The following DPYD variants were observed in gnomAD, a reference collection of about 807,000 sequenced individuals.
The protein encoded by DPYD is dihydropyrimidine dehydrogenase [NADP(+)].
DPYD carries 109 observed loss-of-function variants against 116.2 expected under a neutral mutation model. That is an observed-to-expected ratio of 0.94 (90% CI 0.80 to 1.10). The LOEUF is 1.10. Ranked by LOEUF, DPYD falls within the 50% of genes least tolerant of loss-of-function variation. The pLI is 0.00. For synonymous variants in DPYD, 440 were observed against 432.0 expected (o/e 1.02, Z -0.23); for missense variants, 1,302 against 1,254.5 (o/e 1.04, Z -0.57).
intron 13 of DPYD, among the ~76,000 whole-genome samples, chr1:97,496,593 AC>A: frequency 6.6e-6 from 1 of 151,980 alleles, no homozygotes; most frequent in South Asian, 2.1e-4. Context: ...ACCCATTTTT[AC>A]GGGGCTTTCT....
At chr1:97,127,711 C>A (rs900547406) in intron 20 of DPYD, among the ~76,000 whole-genome samples, 2 of 152,198 alleles carry the variant, frequency 1.3e-5, no homozygotes, top group Admixed American at 1.3e-4. Flanking sequence ...TTACTTGCTA[C>A]AGATTATATA....
chr1:97,585,614 GT>G (rs1323034270), intron 10 of DPYD, among the ~76,000 whole-genome samples: 1 of 152,058 alleles, frequency 6.6e-6, no homozygotes, highest in Non-Finnish European at 1.5e-5. Context: ...ACAATTCTTT[GT>G]TTTTATGTTA....
At chr1:97,650,526 A>T (rs1658521298) in intron 8 of DPYD, among the ~76,000 whole-genome samples, 1 of 152,152 alleles carries the variant, frequency 6.6e-6, no homozygotes, top group African/African-American at 2.4e-5. Flanking sequence ...TAAAAAAGAC[A>T]TGTTTTTCCC....
intron 3 of DPYD, among the ~76,000 whole-genome samples, chr1:97,816,974 C>A (rs1407458669): frequency 1.3e-5 from 2 of 152,138 alleles, no homozygotes; most frequent in Non-Finnish European, 2.9e-5. Flanking sequence ...TTTCTCCAAA[C>A]ATTATTTGAA....
intron 1 of DPYD, among the ~76,000 whole-genome samples, chr1:97,894,287 T>G (rs935597647): frequency 6.6e-6 from 1 of 151,838 alleles, no homozygotes; most frequent in African/African-American, 2.4e-5. Flanking sequence ...CCCACCCTCA[T>G]GACCTCATCT....
At chr1:97,390,768 C>T (rs938797661) in intron 14 of DPYD, among the ~76,000 whole-genome samples, 2 of 151,832 alleles carry the variant, frequency 1.3e-5, no homozygotes, top group Middle Eastern at 3.4e-3. Flanking sequence ...AGATGTTTTC[C>T]AACACAACAG....
At chr1:97,672,839 G>A (rs556806096) in intron 8 of DPYD, among the ~76,000 whole-genome samples, 4 of 152,168 alleles carry the variant, frequency 2.6e-5, no homozygotes, top group South Asian at 2.1e-4. Context: ...ACAATCTCTC[G>A]ATGGATTTTT....
chr1:97,453,017 T>A (rs1676502618), intron 13 of DPYD, among the ~76,000 whole-genome samples: 1 of 152,142 alleles, frequency 6.6e-6, no homozygotes, highest in African/African-American at 2.4e-5. Context: ...TCTTGCTTGC[T>A]TCTTCTGATC....
At chr1:97,459,530 A>G (rs1370633019) in intron 13 of DPYD, among the ~76,000 whole-genome samples, 3 of 152,152 alleles carry the variant, frequency 2.0e-5, no homozygotes, top group East Asian at 1.9e-4. Context: ...TAACCAGAGG[A>G]AAAAAAGACT....
chr1:97,224,734 A>G (rs1229253634), intron 19 of DPYD, among the ~76,000 whole-genome samples: 1 of 149,566 alleles, frequency 6.7e-6, no homozygotes, highest in Non-Finnish European at 1.5e-5. Context: ...TTTTTTTTTT[A>G]GATTCCACAT....
At chr1:97,258,747 A>C (rs1024006201) in intron 18 of DPYD, among the ~76,000 whole-genome samples, 1 of 152,148 alleles carries the variant, frequency 6.6e-6, no homozygotes, top group Non-Finnish European at 1.5e-5. Context: ...CAAGGTAGTT[A>C]CCAGATAAGA....
At chr1:97,401,007 C>A (rs924989877) in intron 14 of DPYD, among the ~76,000 whole-genome samples, 1 of 152,042 alleles carries the variant, frequency 6.6e-6, no homozygotes, top group African/African-American at 2.4e-5. Context: ...TTTGGCTATT[C>A]TAATAGATGT....
intron 20 of DPYD, among the ~76,000 whole-genome samples, chr1:97,121,860 A>T (rs1255899825): frequency 1.3e-5 from 2 of 152,174 alleles, no homozygotes; most frequent in Non-Finnish European, 2.9e-5. Context: ...TAATTCAATG[A>T]GGGCCATTAT....
chr1:97,689,285 T>C (rs1660890050), intron 7 of DPYD, among the ~76,000 whole-genome samples: 1 of 151,942 alleles, frequency 6.6e-6, no homozygotes, highest in South Asian at 2.1e-4. Flanking sequence ...GGAGTGAAGA[T>C]AAAGAAACTG....
intron 18 of DPYD, among the ~76,000 whole-genome samples, chr1:97,238,053 C>T (rs1375777161): frequency 2.0e-5 from 3 of 152,000 alleles, no homozygotes; most frequent in African/African-American, 7.2e-5. Context: ...TAAAGGGCAA[C>T]ATTATTACAC....
intron 13 of DPYD, among the ~76,000 whole-genome samples, chr1:97,461,289 C>G (rs1045436102): frequency 6.6e-6 from 1 of 152,048 alleles, no homozygotes. Flanking sequence ...GTGGGACTTC[C>G]GTATATATGA....
intron 11 of DPYD, among the ~76,000 whole-genome samples, chr1:97,568,673 A>T (rs1450441960): frequency 6.6e-6 from 1 of 152,138 alleles, no homozygotes; most frequent in Non-Finnish European, 1.5e-5. Context: ...GCAATAGAAT[A>T]ATAGAATTAT....
chr1:97,265,736 T>G (rs1484057398), intron 18 of DPYD, among the ~76,000 whole-genome samples: 2 of 152,188 alleles, frequency 1.3e-5, no homozygotes, highest in Middle Eastern at 3.2e-3. Flanking sequence ...ATCTTCTTAT[T>G]AAACTTTTAA....
chr1:97,494,243 T>A (rs1050052127), intron 13 of DPYD, among the ~76,000 whole-genome samples: 2 of 152,166 alleles, frequency 1.3e-5, no homozygotes, highest in African/African-American at 4.8e-5. Context: ...GTTGCCCAGG[T>A]TGGAGTGCAG....
Sources: gnomAD v4.1 joint callset for allele counts (sites outside exome capture counted in the v4.1 genomes callset) on GRCh38, gnomAD v4.1.1 for gene constraint, MANE v1.5 for transcripts, NCBI Gene and HGNC (gene_info 2026-07-23, HGNC 2026-07-21) for gene names.